The following ABHD5 variants were observed in gnomAD, a reference collection of about 807,000 sequenced individuals.
ABHD5 encodes 1-acylglycerol-3-phosphate O-acyltransferase ABHD5.
In ABHD5, 30 loss-of-function variants were observed where a neutral mutation model predicts 44.9. The ratio of observed to expected loss-of-function variants is 0.67; its 90% CI spans 0.50 to 0.91. The LOEUF (loss-of-function observed/expected upper bound fraction) is 0.91. Ranked by LOEUF, ABHD5 falls within the 40% of genes least tolerant of loss-of-function variation. ABHD5 has a pLI of 0.00. For missense variants in ABHD5, 399 were observed against 423.4 expected (o/e 0.94, Z 0.50); for synonymous variants, 167 against 147.0 (o/e 1.14, Z -0.99).
chr3:43,716,302 A>C (rs1010473670), intron 5 of ABHD5, among the ~76,000 whole-genome samples: 4 of 152,136 alleles, frequency 2.6e-5, no homozygotes, highest in Non-Finnish European at 5.9e-5. Context: ...TTCTAAGACT[A>C]ATATTAGCAT....
intron 4 of ABHD5, among the ~76,000 whole-genome samples, chr3:43,713,016 T>G (rs1345429119): frequency 6.6e-6 from 1 of 152,064 alleles, no homozygotes. Flanking sequence ...TAATTGATAC[T>G]ATAGAAAAGA....
chr3:43,724,619 G>A (rs1407992323), downstream of ABHD5, among the ~76,000 whole-genome samples: 1 of 152,108 alleles, frequency 6.6e-6, no homozygotes, highest in African/African-American at 2.4e-5. Flanking sequence ...TAAAGACTGA[G>A]GTAGATCTCT....
At chr3:43,708,863 C>T (rs546265401) in intron 3 of ABHD5, among the ~76,000 whole-genome samples, 9 of 152,268 alleles carry the variant, frequency 5.9e-5, no homozygotes, top group African/African-American at 2.2e-4. Flanking sequence ...GTTTCAGACA[C>T]CCATGCACAT....
chr3:43,706,427 G>A (rs1575602770), intron 3 of ABHD5, among the ~76,000 whole-genome samples: 1 of 151,706 alleles, frequency 6.6e-6, no homozygotes, highest in African/African-American at 2.4e-5. Context: ...TGCCTCTTTT[G>A]TCTCTCTCTC....
rs962340082 is a variant in ABHD5 at position 43,696,297 on chromosome 3, T to C, written c.48-2979T>C. Among the ~76,000 whole-genome samples, 8 of 152,368 alleles carry C rather than the reference T, an allele frequency of 5.3e-5. No individual in the cohort carries two copies. The East Asian group carries it at 5.8e-4, about 11-fold the overall frequency. ...TGCTTTTCTATTTATTTTCCAAAGC[T>C]ATGAGGAAGAGGCATTGAATCTAGT... On this transcript the variant is annotated intron_variant, in intron 1 of 6. Coordinates refer to ENST00000644371, the MANE Select transcript of ABHD5 (RefSeq NM_016006.6).
chr3:43,703,098 C>T (rs2149596576), intron 3 of ABHD5, among the ~76,000 whole-genome samples: 1 of 152,080 alleles, frequency 6.6e-6, no homozygotes, highest in East Asian at 1.9e-4. Flanking sequence ...TTTATTATAC[C>T]ATACCCTAAC....
At chr3:43,692,520 T>C (rs543428508) in intron 1 of ABHD5, among the ~76,000 whole-genome samples, 2 of 152,304 alleles carry the variant, frequency 1.3e-5, no homozygotes, top group African/African-American at 4.8e-5. Context: ...TGGAGGTAGA[T>C]GATTAAAAAA....
chr3:43,693,362 C>G (rs2084426397), intron 1 of ABHD5, among the ~76,000 whole-genome samples: 1 of 152,180 alleles, frequency 6.6e-6, no homozygotes, highest in Non-Finnish European at 1.5e-5. Context: ...GGATTTTTCT[C>G]TCCCCTCCCT....
intron 1 of ABHD5, among the ~76,000 whole-genome samples, chr3:43,695,814 G>T (rs903215657): frequency 8.5e-5 from 13 of 152,278 alleles, no homozygotes; most frequent in Non-Finnish European, 1.8e-4. Flanking sequence ...GATACTTAAA[G>T]TCAGATTCTT....
downstream of ABHD5, among the ~76,000 whole-genome samples, chr3:43,724,360 G>A (rs544699898): frequency 1.3e-5 from 2 of 152,152 alleles, no homozygotes; most frequent in Admixed American, 6.5e-5. Flanking sequence ...ATATACTGTC[G>A]GTGGGCTGTA....
At chr3:43,724,554 A>G (rs2084865605), downstream of ABHD5, among the ~76,000 whole-genome samples, 1 of 152,208 alleles carries the variant, frequency 6.6e-6, no homozygotes, top group Admixed American at 6.5e-5. Context: ...TCACAAATCA[A>G]ACACATAACT....
intron 6 of ABHD5, 69 bp from the exon 7 acceptor site, chr3:43,718,373 TG>T: frequency 7.9e-7 from 1 of 1,265,798 alleles, no homozygotes; most frequent in Non-Finnish European, 1.2e-6. Flanking sequence ...TAAGTGTCTT[TG>T]CTTATATATC....
chr3:43,728,832 G>A (rs1462110723), intron 7 of ABHD5, among the ~76,000 whole-genome samples: 1 of 152,186 alleles, frequency 6.6e-6, no homozygotes, highest in Non-Finnish European at 1.5e-5. Flanking sequence ...AGCCTTACAC[G>A]TAAAGCCTGC....
chr3:43,712,111 G>T (rs1301518094), intron 4 of ABHD5, among the ~76,000 whole-genome samples: 1 of 152,178 alleles, frequency 6.6e-6, no homozygotes. Flanking sequence ...GAATGCTGAG[G>T]ATAAGGTTAG....
chr3:43,720,504 G>C lies in ABHD5; in HGVS notation c.*1972G>C, dbSNP rs1463943456. Reference sequence around the variant, plus strand: ...GAAAGATGTTGTAACTCTTTTTAAAGTTAGATTTTACCCTGAGGTATAGTA... The same window carrying C: ...GAAAGATGTTGTAACTCTTTTTAAACTTAGATTTTACCCTGAGGTATAGTA... On this transcript the variant is annotated 3_prime_UTR_variant, in exon 7 of 7. Coordinates refer to ENST00000644371, the MANE Select transcript of ABHD5 (RefSeq NM_016006.6). 6.6e-6 allele frequency: 1 copy of C among 152,164 alleles called. No individual in the cohort carries two copies. The highest frequency in any genetic ancestry group is 1.9e-4 in the East Asian group (1 of 5,202). The allele number at this position is 152,164 out of a possible 1,614,324, so 9.4% of individuals were successfully genotyped here.
At chr3:43,691,118 G>T in intron 1 of ABHD5, 79 bp downstream of exon 1, 4 of 1,338,302 alleles carry the variant, frequency 3.0e-6, no homozygotes, top group Non-Finnish European at 3.9e-6. Flanking sequence ...CCAGCGGGCA[G>T]CACCAAGGAG....
downstream of ABHD5, among the ~76,000 whole-genome samples, chr3:43,723,971 A>G (rs1315513331): frequency 6.6e-6 from 1 of 152,170 alleles, no homozygotes; most frequent in African/African-American, 2.4e-5. Flanking sequence ...TGTAGTATTC[A>G]TGGTTGAGAT....
At chr3:43,705,292 T>C (rs1441558338) in intron 3 of ABHD5, among the ~76,000 whole-genome samples, 1 of 152,208 alleles carries the variant, frequency 6.6e-6, no homozygotes, top group Non-Finnish European at 1.5e-5. Flanking sequence ...GTTTCAGATA[T>C]GCAAGCATAA....
At chr3:43,708,962 A>T (rs1020461682) in intron 3 of ABHD5, among the ~76,000 whole-genome samples, 1 of 152,266 alleles carries the variant, frequency 6.6e-6, no homozygotes, top group African/African-American at 2.4e-5. Context: ...AAAAAAGACT[A>T]GACTGGTTCT....
Sources: gnomAD v4.1 joint callset for allele counts (sites outside exome capture counted in the v4.1 genomes callset) on GRCh38, gnomAD v4.1.1 for gene constraint, MANE v1.5 for transcripts, NCBI Gene and HGNC (gene_info 2026-07-23, HGNC 2026-07-21) for gene names.